Variants in SEPTIN9 observed in about 807,000 individuals in gnomAD.
The protein encoded by SEPTIN9 is septin-9.
A neutral mutation model predicts 56.6 loss-of-function variants in SEPTIN9; 13 were observed. The observed-to-expected ratio is 0.23, with a 90% confidence interval of 0.15 to 0.37. The LOEUF (loss-of-function observed/expected upper bound fraction) is 0.37. Among genes scored for constraint, SEPTIN9 ranks in the 10% least tolerant of loss-of-function variants. The pLI is 1.00. For missense variants in SEPTIN9, 650 were observed against 823.1 expected (o/e 0.79, Z 2.57); for synonymous variants, 332 against 334.1 (o/e 0.99, Z 0.07).
At position 77,310,430 on chromosome 17, in the gene SEPTIN9, G is replaced by A. The variant is rs2143610413; in HGVS notation, c.76+3233G>A. On this transcript the variant is annotated intron_variant, in intron 2 of 11. Transcript: ENST00000427177. This position sits in a 1 kb window ranked among gnomAD's most constrained non-coding sequence, Gnocchi z 4.7. ...TGTGCCCACAACGTGACGGCGTGGAGACTTATCCGTGTAGATCCACGAAGC... is the reference window on the plus strand; with the variant it reads ...TGTGCCCACAACGTGACGGCGTGGAAACTTATCCGTGTAGATCCACGAAGC... Among the ~76,000 whole-genome samples the A allele has an allele frequency of 6.6e-6, 1 of 152,316 alleles. No individual in the cohort carries two copies. The highest frequency in any genetic ancestry group is 1.9e-4 in the East Asian group (1 of 5,172).
chr17:77,322,742 T>G (rs538150615), intron 2 of SEPTIN9: 1 of 152,264 alleles, frequency 6.6e-6, no homozygotes, highest in South Asian at 2.1e-4. Flanking sequence ...GTGTCCTGAG[T>G]TTTGTGGGCG....
At chr17:77,414,631 G>A (rs2036433071) in intron 3 of SEPTIN9, among the ~76,000 whole-genome samples, 1 of 143,702 alleles carries the variant, frequency 7.0e-6, no homozygotes, top group Non-Finnish European at 1.5e-5. Flanking sequence ...AGGCTGGGGT[G>A]CAATGGCTCA....
intron 3 of SEPTIN9, among the ~76,000 whole-genome samples, chr17:77,408,473 T>C (rs1360120162): frequency 1.3e-5 from 2 of 152,108 alleles, no homozygotes; most frequent in South Asian, 4.1e-4. Context: ...ATGGTGGGCG[T>C]GGCTCTTCGC....
At chr17:77,356,719 A>G (rs36161829) in intron 2 of SEPTIN9, among the ~76,000 whole-genome samples, 8,609 of 28,442 alleles carry the variant, frequency 0.3, 1,059 homozygotes, top group Admixed American at 0.38. Context: ...TGGTGCCCCA[A>G]CTGCCTTTCT....
At chr17:77,284,790 C>G (rs2031203085) in intron 1 of SEPTIN9, among the ~76,000 whole-genome samples, 1 of 152,090 alleles carries the variant, frequency 6.6e-6, no homozygotes, top group African/African-American at 2.4e-5. Context: ...CCACTGCGCC[C>G]AGCTAATTTT....
intron 1 of SEPTIN9, among the ~76,000 whole-genome samples, chr17:77,301,962 G>A (rs763683928): frequency 3.0e-4 from 45 of 152,258 alleles, no homozygotes; most frequent in African/African-American, 1.1e-3. Flanking sequence ...TGGTCTATTC[G>A]AGCCCACAGA....
intron 3 of SEPTIN9, chr17:77,469,044 T>C (rs1424437815): frequency 6.6e-6 from 1 of 152,264 alleles, no homozygotes; most frequent in Non-Finnish European, 1.5e-5. Flanking sequence ...TGCCTTCAGA[T>C]GTTGGGGCTT....
At chr17:77,288,694 T>A (rs1388750159) in intron 1 of SEPTIN9, among the ~76,000 whole-genome samples, 1 of 152,236 alleles carries the variant, frequency 6.6e-6, no homozygotes, top group Non-Finnish European at 1.5e-5. Context: ...TCCAGCTTGT[T>A]AAGGACTTGA....
chr17:77,404,075 G>A (rs1309365410), intron 3 of SEPTIN9, among the ~76,000 whole-genome samples: 1 of 152,166 alleles, frequency 6.6e-6, no homozygotes, highest in Non-Finnish European at 1.5e-5. Context: ...TCAGCATGAC[G>A]TCCTAAAGGT....
intron 8 of SEPTIN9, among the ~76,000 whole-genome samples, chr17:77,491,486 C>T (rs1033238382): frequency 3.3e-5 from 5 of 151,564 alleles, no homozygotes; most frequent in Non-Finnish European, 7.4e-5. Context: ...GCATGAGCCA[C>T]CTCACCTCGC....
chr17:77,482,370 C>A, intron 4 of SEPTIN9, 35 bp downstream of exon 4: 1 of 1,601,478 alleles, frequency 6.2e-7, no homozygotes. Context: ...TCAACCAATG[C>A]CGGAAACCAG....
Position 77,500,533 on chromosome 17 carries a change from A to G in SEPTIN9, c.*1875A>G. On this transcript the variant is annotated 3_prime_UTR_variant, in exon 12 of 12. Transcript: ENST00000427177. Reference sequence around the variant, plus strand: ...CCTCCCGAGAAATTTGTCTTTTTGTATAAATGACAAAGTGTTGAAAATGTA... The same window carrying G: ...CCTCCCGAGAAATTTGTCTTTTTGTGTAAATGACAAAGTGTTGAAAATGTA... 4.9e-6 allele frequency: 1 copy of G among 202,782 alleles called. No homozygotes were observed. The highest frequency in any genetic ancestry group is 7.5e-5 in the East Asian group (1 of 13,290). 12.6% of individuals were successfully genotyped at this position (202,782 alleles called of 1,614,324 possible).
At chr17:77,419,733 G>T (rs1160183560) in intron 3 of SEPTIN9, 2 of 152,518 alleles carry the variant, frequency 1.3e-5, no homozygotes, top group Non-Finnish European at 2.9e-5. Context: ...GGATGGGGAA[G>T]CAGCAAGTCC....
At chr17:77,293,638 A>G (rs1188351846) in intron 1 of SEPTIN9, among the ~76,000 whole-genome samples, 6 of 152,352 alleles carry the variant, frequency 3.9e-5, no homozygotes, top group African/African-American at 1.4e-4. Context: ...GAGAAAATAA[A>G]TAACAGCAAA....
intron 3 of SEPTIN9, among the ~76,000 whole-genome samples, chr17:77,471,696 C>T (rs2039002574): frequency 6.6e-6 from 1 of 152,254 alleles, no homozygotes; most frequent in African/African-American, 2.4e-5. Context: ...TGTCCACCCA[C>T]CCACGGGGGA....
chr17:77,366,022 A>G (rs2034559950), intron 2 of SEPTIN9, among the ~76,000 whole-genome samples: 1 of 152,050 alleles, frequency 6.6e-6, no homozygotes, highest in African/African-American at 2.4e-5. Flanking sequence ...CCAGGACACC[A>G]AGGGCCCCAG....
At chr17:77,304,659 T>A (rs764989043) in intron 1 of SEPTIN9, among the ~76,000 whole-genome samples, 12 of 152,146 alleles carry the variant, frequency 7.9e-5, no homozygotes, top group Non-Finnish European at 1.5e-4. Flanking sequence ...TGTCCTGTTC[T>A]TTGCTGGGCG....
chr17:77,460,079 C>T (rs139273522), intron 3 of SEPTIN9, among the ~76,000 whole-genome samples: 3 of 152,072 alleles, frequency 2.0e-5, no homozygotes, highest in East Asian at 1.9e-4. Flanking sequence ...CCCCACCCCC[C>T]CCAGGCCTTA....
intron 1 of SEPTIN9, chr17:77,281,848 G>C (rs2031039817): frequency 2.3e-6 from 1 of 442,950 alleles, no homozygotes; most frequent in East Asian, 4.0e-5. Context: ...GACTTTCCAG[G>C]TCGGCCGGGT....
Sources: gnomAD v4.1 joint callset for allele counts (sites outside exome capture counted in the v4.1 genomes callset) on GRCh38, gnomAD v4.1.1 for gene constraint, Gnocchi (gnomAD v3.1) non-coding constraint, MANE v1.5 for transcripts, NCBI Gene and HGNC (gene_info 2026-07-23, HGNC 2026-07-21) for gene names.